Variants in SNX17 observed in about 807,000 individuals in gnomAD.
The protein encoded by SNX17 is sorting nexin 17.
Under a neutral mutation model 64.3 loss-of-function variants are expected in SNX17, and 35 were observed. The observed-to-expected ratio is 0.54, with a 90% CI of 0.42 to 0.72. The LOEUF is 0.72. Ranked by LOEUF, SNX17 falls within the 30% of genes least tolerant of loss-of-function variation. SNX17 has a pLI of 0.00. For synonymous variants in SNX17, 259 were observed against 230.2 expected (o/e 1.13, Z -1.13); for missense variants, 538 against 610.0 (o/e 0.88, Z 1.24).
In SNX17 at chr2:27,376,746, T is replaced by G; in HGVS notation, c.*27T>G. On this transcript the variant is annotated 3_prime_UTR_variant, in exon 15 of 15. Transcript: ENST00000233575. Reference sequence around the variant, plus strand: ...CTCCACTGCTTGGATGTCTGCCCTCTACCCCAGAGGAATTTACAGAAACTT... The same window carrying G: ...CTCCACTGCTTGGATGTCTGCCCTCGACCCCAGAGGAATTTACAGAAACTT... The G allele has an allele frequency of 1.3e-6, 2 of 1,587,386 alleles. No individual in the cohort carries two copies. The highest frequency in any genetic ancestry group is 1.7e-6 in the Non-Finnish European group (2 of 1,156,600).
intron 11 of SNX17, 53 bp from the exon 12 acceptor site, chr2:27,376,053 G>A (rs1374229947): frequency 1.4e-5 from 22 of 1,613,650 alleles, no homozygotes; most frequent in African/African-American, 2.7e-5. Context: ...CATTAGTGGT[G>A]CTGGGCTCAG....
Position 27,371,397 on chromosome 2 carries a change from A to G in SNX17, c.138+54A>G, listed in dbSNP as rs377252672. ...GCTTCAAGCCCTTCCCTACACGTGGACATCAGTGTCTCCCTTTACCCGCTC... is the reference window on the plus strand; with the variant it reads ...GCTTCAAGCCCTTCCCTACACGTGGGCATCAGTGTCTCCCTTTACCCGCTC... On this transcript the variant is annotated intron_variant, in intron 2 of 14. Coordinates refer to ENST00000233575, the MANE Select transcript of SNX17 (RefSeq NM_014748.4). 1.1e-5 allele frequency: 18 copies of G among 1,568,228 alleles called. No homozygotes were observed. The African/African-American group carries it at 2.5e-4, about 21-fold the overall frequency.
rs752172050 is a variant in SNX17, at chr2:27,377,419, C to A, written c.*700C>A. 1 of 1,069,856 alleles carries A rather than the reference C, an allele frequency of 9.3e-7. No homozygotes were observed. Among genetic ancestry groups the A allele is most frequent in the Admixed American group, 2.0e-5 (1 of 50,890 alleles). The allele number at this position is 1,069,856 out of a possible 1,614,324, so 66.3% of individuals were successfully genotyped here. A position where few individuals can be genotyped will look rare whatever the true frequency, so the allele number is the denominator to read the frequency against. On this transcript the variant is annotated 3_prime_UTR_variant, in exon 15 of 15. Coordinates refer to ENST00000233575, the MANE Select transcript of SNX17 (RefSeq NM_014748.4). This position sits in a 1 kb window ranked among gnomAD's most constrained non-coding sequence, Gnocchi z 4.4. ...AGGTCCCCTGGTCCATATGGGCCCC[C>A]CCGCCCATGGGGTTGGGCTGGTCCT...
rs779040540 is a variant in SNX17, at chr2:27,375,566, G to A, written c.835G>A (p.Ala279Thr). Reference sequence around the variant, plus strand: ...CTACTTGCGCTTTGATGCCTGTGTGGCTGACTTCCCAGAAAAGGACTGTCC... The same window carrying A: ...CTACTTGCGCTTTGATGCCTGTGTGACTGACTTCCCAGAAAAGGACTGTCC... ...YGYLRFDACV[A>T]DFPEKDCPVV... Residue 279 changes from alanine (A) to threonine (T), a missense_variant, in exon 10 of 15, where the codon GCT (alanine) becomes ACT (threonine). This residue lies in a region of SNX17 where 505 missense variants were observed against 550.4 expected (regional missense o/e 0.92). Transcript: ENST00000233575. The surrounding 1 kb of genome is among the most constrained non-coding windows in gnomAD (Gnocchi z 4.1). The A allele has an allele frequency of 6.2e-7, 1 of 1,614,078 alleles. No homozygotes were observed. The highest frequency in any genetic ancestry group is 8.5e-7 in the Non-Finnish European group (1 of 1,180,054).
intron 3 of SNX17, 114 bp from the exon 4 acceptor site, chr2:27,373,133 G>A: frequency 6.3e-7 from 1 of 1,599,648 alleles, no homozygotes; most frequent in Non-Finnish European, 8.5e-7. Flanking sequence ...GCTGGGGGAT[G>A]TGGCAGGCCA....
rs373762437 is a variant in SNX17 at position 27,372,751 on chromosome 2, G to A, written c.256+11G>A. The A allele has an allele frequency of 6.8e-6, 11 of 1,613,998 alleles. No homozygotes were observed. The African/African-American group carries it at 1.5e-4, about 22-fold the overall frequency. On this transcript the variant is annotated intron_variant, in intron 3 of 14. Coordinates refer to ENST00000233575, the MANE Select transcript of SNX17 (RefSeq NM_014748.4). ...AGTACATGCAAGCTGGTGAGTGGTT[G>A]CAGGAAACTAGGTTGACTATATTGA... is the stretch of plus-strand genomic sequence containing the variant.
At position 27,375,663 on chromosome 2, in the gene SNX17, G is replaced by T; in HGVS notation, c.932G>T (p.Gly311Val). The T allele has an allele frequency of 6.2e-7, 1 of 1,614,190 alleles. No homozygotes were observed. Among genetic ancestry groups the T allele is most frequent in the Non-Finnish European group, 8.5e-7 (1 of 1,180,036 alleles). ...CTGCCTGGCCAGCAACTCCGAGAAG[G>T]CTCCTTCCGGGTCACCCGCATGCGA... ...LRLPGQQLREGSFRVTRMRCW... is the reference protein window; with the variant it reads ...LRLPGQQLREVSFRVTRMRCW... Residue 311 changes from glycine (G) to valine (V), a missense_variant, in exon 10 of 15, where the codon GGC becomes GTC. Physicochemically the swap from Gly to Val is moderately radical, Grantham distance 109 (BLOSUM62 -3). Transcript: ENST00000233575. The surrounding 1 kb of genome is among the most constrained non-coding windows in gnomAD (Gnocchi z 4.1).
chr2:27,377,229 C>G lies in SNX17; in HGVS notation c.*510C>G. On this transcript the variant is annotated 3_prime_UTR_variant, in exon 15 of 15. Coordinates refer to ENST00000233575, the MANE Select transcript of SNX17 (RefSeq NM_014748.4). The surrounding 1 kb of genome is among the most constrained non-coding windows in gnomAD (Gnocchi z 4.4). ...CCTGCCATTGCCAATTCAGCATAGACATGGCTTTGTTAGTGTTTCCTTTAT... is the reference window on the plus strand; with the variant it reads ...CCTGCCATTGCCAATTCAGCATAGAGATGGCTTTGTTAGTGTTTCCTTTAT... 1 of 532,986 alleles carries G rather than the reference C, an allele frequency of 1.9e-6. No homozygotes were observed. The highest frequency in any genetic ancestry group is 3.4e-6 in the Non-Finnish European group (1 of 293,608). 33.0% of individuals were successfully genotyped at this position (532,986 alleles called of 1,614,324 possible). A position where few individuals can be genotyped will look rare whatever the true frequency, so the allele number is the denominator to read the frequency against.
At chr2:27,371,218 G>C (rs757036788) in intron 1 of SNX17, 51 bp from the exon 2 acceptor site, 4 of 1,539,754 alleles carry the variant, frequency 2.6e-6, no homozygotes, top group Non-Finnish European at 3.6e-6. Context: ...GTTCTCAGGG[G>C]GGTTGCGCAG....
At chr2:27,372,539 C>G in intron 2 of SNX17, 84 bp from the exon 3 acceptor site, 1 of 1,599,990 alleles carries the variant, frequency 6.3e-7, no homozygotes, top group South Asian at 1.1e-5. Context: ...GAGGGGCACC[C>G]AAGAGAACAT....
chr2:27,373,036 C>A, intron 3 of SNX17: 1 of 1,545,910 alleles, frequency 6.5e-7, no homozygotes, highest in Non-Finnish European at 8.7e-7. Flanking sequence ...TGTTATTTCC[C>A]TAGTTCTATA....
rs1052544343 is a variant in SNX17 at position 27,374,418 on chromosome 2, T to C, written c.596T>C (p.Ile199Thr). The C allele has an allele frequency of 2.5e-6, 4 of 1,613,790 alleles. No individual in the cohort carries two copies. The highest frequency in any genetic ancestry group is 1.3e-5 in the African/African-American group (1 of 74,822). Residue 199 changes from isoleucine to threonine, a missense_variant, in exon 7 of 15, where the codon ATT becomes ACT. Ile to Thr is a moderately conservative substitution (Grantham distance 89). Around this residue, in one of 3 missense-constraint regions of SNX17, gnomAD observed 505 missense variants for 550.4 expected, o/e 0.92. Coordinates refer to ENST00000233575, the MANE Select transcript of SNX17 (RefSeq NM_014748.4). The stretch of plus-strand genomic sequence containing the variant: ...AGCCTTCGGAGTCAAGAGTATAAGA[T>C]TGTGCTAAGGAAGAGGTCAGGGCTG... ...VTSLRSQEYK[I>T]VLRKSYWDSA...
At chr2:27,373,350 C>CT (rs758628489) in intron 4 of SNX17, 39 bp downstream of exon 4, 1 of 1,604,716 alleles carries the variant, frequency 6.2e-7, no homozygotes. Flanking sequence ...AGGAAAGGAC[C>CT]TTGCTGGAAG....
chr2:27,371,443 A>G, intron 2 of SNX17, 100 bp downstream of exon 2: 7 of 1,477,258 alleles, frequency 4.7e-6, no homozygotes, highest in Non-Finnish European at 4.5e-6. Context: ...CGTAGGCTGT[A>G]GTTCCCCTTT....
chr2:27,377,463 C>T lies in SNX17; in HGVS notation c.*744C>T. ...TGGTCCTTATAGTGCCTACGTTAGT[C>T]TGTGTGGAGCCCCTGGCCAGCGGGG... On this transcript the variant is annotated 3_prime_UTR_variant, in exon 15 of 15. Transcript: ENST00000233575. The surrounding 1 kb of genome is among the most constrained non-coding windows in gnomAD (Gnocchi z 4.4). 1.4e-6 allele frequency: 2 copies of T among 1,479,528 alleles called. No individual in the cohort carries two copies. The highest frequency in any genetic ancestry group is 1.4e-5 in the African/African-American group (1 of 72,592). 91.7% of individuals were successfully genotyped at this position (1,479,528 alleles called of 1,614,324 possible).
chr2:27,371,140 A>G (rs1682469472), intron 1 of SNX17, 129 bp from the exon 2 acceptor site: 1 of 862,434 alleles, frequency 1.2e-6, no homozygotes, highest in Non-Finnish European at 1.9e-6. Context: ...CCTGGCGAAA[A>G]CAAGCGAACT....
chr2:27,370,819 C>G lies in SNX17; in HGVS notation c.63+13C>G. On this transcript the variant is annotated intron_variant, in intron 1 of 14. Transcript: ENST00000233575. ...CTCCGCCTACGTGGTGAGGAGCGGCCGGAGCCGAGCCGGGCCGGGCAGGGG... is the reference window on the plus strand; with the variant it reads ...CTCCGCCTACGTGGTGAGGAGCGGCGGGAGCCGAGCCGGGCCGGGCAGGGG... The G allele has an allele frequency of 6.5e-7, 1 of 1,539,224 alleles. No homozygotes were observed. The highest frequency in any genetic ancestry group is 8.7e-7 in the Non-Finnish European group (1 of 1,145,150).
intron 3 of SNX17, 42 bp downstream of exon 3, chr2:27,372,782 A>G (rs759195771): frequency 9.3e-6 from 15 of 1,611,394 alleles, no homozygotes; most frequent in African/African-American, 2.7e-5. Context: ...ATTGAGGACT[A>G]TGGGGAGAGA....
chr2:27,371,751 C>T (rs1682584955), intron 2 of SNX17: 1 of 172,176 alleles, frequency 5.8e-6, no homozygotes, highest in Non-Finnish European at 1.3e-5. Context: ...CGGCTCATTT[C>T]AGTGTGTTTA....
Sources: allele counts gnomAD v4.1 joint callset, GRCh38; gene constraint gnomAD v4.1.1; regional missense constraint gnomAD v4.1.1; non-coding constraint Gnocchi (gnomAD v3.1); transcripts MANE v1.5; gene names NCBI Gene and HGNC (gene_info 2026-07-23, HGNC 2026-07-21).